The following DGKI variants were observed in gnomAD, a reference collection of about 807,000 sequenced individuals.
DGKI encodes diacylglycerol kinase iota, also known as DAG kinase iota.
A neutral mutation model predicts 147.5 loss-of-function variants in DGKI; 55 were observed. That is an observed-to-expected ratio of 0.37 (90% CI 0.30 to 0.47). The LOEUF is 0.47. Among genes scored for constraint, DGKI ranks in the 20% least tolerant of loss-of-function variants. The probability of loss-of-function intolerance (pLI) is 1.00; values close to 1 mark genes in which losing one functional copy is unlikely to be tolerated. For missense variants in DGKI, 1,007 were observed against 1,323.8 expected (o/e 0.76, Z 3.71); for synonymous variants, 469 against 477.1 (o/e 0.98, Z 0.22).
chr7:137,690,392 T>A (rs1397207948), intron 1 of DGKI, among the ~76,000 whole-genome samples: 1 of 152,210 alleles, frequency 6.6e-6, no homozygotes, highest in African/African-American at 2.4e-5. Context: ...AAAAATGGGC[T>A]CATGAGGTCT....
At chr7:137,750,688 A>T (rs1315253579) in intron 1 of DGKI, among the ~76,000 whole-genome samples, 2 of 152,164 alleles carry the variant, frequency 1.3e-5, no homozygotes, top group Non-Finnish European at 2.9e-5. Flanking sequence ...CATCACCCCC[A>T]TAAGCAGTTC....
intron 1 of DGKI, among the ~76,000 whole-genome samples, chr7:137,824,804 G>A (rs954632325): frequency 1.3e-5 from 2 of 152,180 alleles, no homozygotes; most frequent in Non-Finnish European, 2.9e-5. Flanking sequence ...GTGAGAGCAT[G>A]CAGTATTTGG....
intron 1 of DGKI, among the ~76,000 whole-genome samples, chr7:137,766,769 C>T (rs1796027516): frequency 6.6e-6 from 1 of 152,078 alleles, no homozygotes; most frequent in Admixed American, 6.5e-5. Flanking sequence ...CATGGGTAAA[C>T]GTGAGTCTGA....
intron 2 of DGKI, among the ~76,000 whole-genome samples, chr7:137,686,872 C>A (rs1015563724): frequency 1.3e-5 from 2 of 152,190 alleles, no homozygotes; most frequent in Non-Finnish European, 2.9e-5. Context: ...TGTCAGAACA[C>A]GGCCCTTTTG....
chr7:137,406,695 A>T (rs557238641), intron 30 of DGKI, among the ~76,000 whole-genome samples: 15 of 152,296 alleles, frequency 9.8e-5, no homozygotes, highest in African/African-American at 3.4e-4. Context: ...AATGGTAGCT[A>T]TGTTATCTAT....
At chr7:137,509,594 G>A (rs943326903) in intron 21 of DGKI, among the ~76,000 whole-genome samples, 6 of 152,254 alleles carry the variant, frequency 3.9e-5, no homozygotes, top group Non-Finnish European at 7.4e-5. Context: ...CAAAGAAGGC[G>A]GCAGCAGAGA....
rs546158914 is a variant in DGKI at position 137,570,937 on chromosome 7, A to G, written c.1947+238T>C. The stretch of plus-strand genomic sequence containing the variant: ...TAAAAACTTTTCATTCTGTTAGAAA[A>G]TTAATCAGGAAAAGTAAGAAGTGAT... On this transcript the variant is annotated intron_variant, in intron 19 of 32. Transcript: ENST00000614521. 1.7e-3 allele frequency among the ~76,000 whole-genome samples: 266 copies of G among 152,336 alleles called. 1 individual carries two copies. Among genetic ancestry groups the G allele is most frequent in the Non-Finnish European group, 3.0e-3 (201 of 68,032 alleles).
intron 27 of DGKI, 55 bp downstream of exon 27, chr7:137,463,434 C>G (rs773199452): frequency 1.2e-6 from 2 of 1,601,494 alleles, no homozygotes; most frequent in African/African-American, 2.7e-5. Flanking sequence ...CACAGTACAT[C>G]CTCTCCCAGC....
intron 29 of DGKI, among the ~76,000 whole-genome samples, chr7:137,411,833 G>A (rs551744445): frequency 6.6e-6 from 1 of 152,326 alleles, no homozygotes; most frequent in South Asian, 2.1e-4. Context: ...ATGCATTTCT[G>A]AGTGTTGCCC....
At chr7:137,836,582 C>T (rs1585552656) in intron 1 of DGKI, among the ~76,000 whole-genome samples, 1 of 152,186 alleles carries the variant, frequency 6.6e-6, no homozygotes, top group Admixed American at 6.5e-5. Flanking sequence ...CTTCAAGTTC[C>T]ACTGTGATTA....
Position 137,585,210 on chromosome 7 carries a change from T to A in DGKI, c.1562A>T (p.Lys521Met). Residue 521 changes from lysine to methionine, a missense_variant and splice_region_variant, in exon 14 of 33, where the codon AAG becomes ATG. By Grantham distance (95) the Lys-to-Met change is moderately conservative (BLOSUM62 -1). This residue lies in a region of DGKI where 224 missense variants were observed against 382.7 expected (regional missense o/e 0.59). Transcript: ENST00000614521. ...PPEELEDGVC[K>M]LPLNVFNNYF... Reference sequence around the variant, plus strand: ...CTGCAGAACAAAAAACTCTCTAACCTTACATACGCCATCTTCAAGTTCTTC... The same window carrying A: ...CTGCAGAACAAAAAACTCTCTAACCATACATACGCCATCTTCAAGTTCTTC... 2 of 1,614,120 alleles carry A rather than the reference T, an allele frequency of 1.2e-6. No homozygotes were observed. Among genetic ancestry groups the A allele is most frequent in the Non-Finnish European group, 1.7e-6 (2 of 1,179,978 alleles).
At chr7:137,658,470 T>C (rs2116269913) in intron 3 of DGKI, among the ~76,000 whole-genome samples, 1 of 152,322 alleles carries the variant, frequency 6.6e-6, no homozygotes, top group South Asian at 2.1e-4. Context: ...AAACTCCTAG[T>C]AAATTACATT....
At chr7:137,815,064 T>TA (rs201092080) in intron 1 of DGKI, among the ~76,000 whole-genome samples, 2,115 of 144,432 alleles carry the variant, frequency 0.015, 30 homozygotes, top group African/African-American at 0.033. Context: ...CAGGAAAAAA[T>TA]AAAAAAAAAA....
chr7:137,639,343 A>T (rs1490039968), intron 6 of DGKI, among the ~76,000 whole-genome samples: 1 of 152,210 alleles, frequency 6.6e-6, no homozygotes, highest in Non-Finnish European at 1.5e-5. Flanking sequence ...TGAGGAAGTG[A>T]GGAAGAAGGA....
chr7:137,559,797 G>GA (rs377044988), intron 19 of DGKI, among the ~76,000 whole-genome samples: 67 of 151,946 alleles, frequency 4.4e-4, no homozygotes, highest in African/African-American at 1.6e-3. Flanking sequence ...TGCGGTTTGA[G>GA]AAAAAAATCA....
At chr7:137,838,872 A>T (rs1390598044) in intron 1 of DGKI, among the ~76,000 whole-genome samples, 1 of 152,264 alleles carries the variant, frequency 6.6e-6, no homozygotes, top group African/African-American at 2.4e-5. Flanking sequence ...GGCAGGTAGC[A>T]TCTGCGAAGC....
intron 6 of DGKI, among the ~76,000 whole-genome samples, chr7:137,635,894 G>A (rs1730136093): frequency 6.6e-6 from 1 of 152,202 alleles, no homozygotes; most frequent in Admixed American, 6.5e-5. Context: ...TCCGGGCTTT[G>A]AGGGTCTAAA....
At chr7:137,462,784 T>C (rs1175180501) in intron 27 of DGKI, among the ~76,000 whole-genome samples, 4 of 152,162 alleles carry the variant, frequency 2.6e-5, no homozygotes, top group Non-Finnish European at 5.9e-5. Flanking sequence ...TTGATTGGCC[T>C]GAAATTAAAG....
chr7:137,590,681 A>C (rs552328394), intron 12 of DGKI, among the ~76,000 whole-genome samples: 1 of 152,224 alleles, frequency 6.6e-6, no homozygotes, highest in African/African-American at 2.4e-5. Context: ...ACTTCTATGA[A>C]TCGATGCTGT....
Sources: gnomAD v4.1 joint callset for allele counts (sites outside exome capture counted in the v4.1 genomes callset) on GRCh38, gnomAD v4.1.1 for gene constraint, gnomAD v4.1.1 regional missense constraint, MANE v1.5 for transcripts, NCBI Gene and HGNC (gene_info 2026-07-23, HGNC 2026-07-21) for gene names.